The following PRKN variants were observed in gnomAD, a reference collection of about 807,000 sequenced individuals.
PRKN encodes parkin RBR E3 ubiquitin protein ligase, also known as E3 ubiquitin-protein ligase parkin.
Under a neutral mutation model 59.5 loss-of-function variants are expected in PRKN, and 56 were observed. That is an observed-to-expected ratio of 0.94 (90% CI 0.76 to 1.18). The LOEUF is 1.18. PRKN is among the 50% of genes most tolerant of loss of function. PRKN has a pLI of 0.00. For missense variants in PRKN, 657 were observed against 596.4 expected (o/e 1.10, Z -1.06); for synonymous variants, 250 against 222.1 (o/e 1.13, Z -1.12).
At chr6:162,635,954 C>T (rs951113769) in intron 1 of PRKN, among the ~76,000 whole-genome samples, 3 of 151,952 alleles carry the variant, frequency 2.0e-5, no homozygotes, top group Admixed American at 6.6e-5. Context: ...GCATGAGGCA[C>T]GTTTGGAGAA....
intron 4 of PRKN, among the ~76,000 whole-genome samples, chr6:162,087,881 T>C (rs1779318277): frequency 2.0e-5 from 3 of 152,152 alleles, no homozygotes; most frequent in Admixed American, 2.0e-4. Flanking sequence ...CATGAGTCAC[T>C]GCGCCCGGCC....
intron 2 of PRKN, among the ~76,000 whole-genome samples, chr6:162,302,997 C>G (rs1365766240): frequency 6.6e-6 from 1 of 151,568 alleles, no homozygotes. Flanking sequence ...CACACACACA[C>G]ACAGACACAC....
intron 9 of PRKN, among the ~76,000 whole-genome samples, chr6:161,481,715 C>T (rs1461901312): frequency 2.0e-5 from 3 of 152,150 alleles, no homozygotes; most frequent in Non-Finnish European, 4.4e-5. Flanking sequence ...TAAAAGGCAG[C>T]TGTCATTAAA....
intron 5 of PRKN, among the ~76,000 whole-genome samples, chr6:161,986,929 T>C (rs565969711): frequency 6.6e-6 from 1 of 152,314 alleles, no homozygotes; most frequent in South Asian, 2.1e-4. Flanking sequence ...AAAAGAAATA[T>C]TGAGCAATAA....
At position 161,656,199 on chromosome 6, in the gene PRKN, T is replaced by A. The variant is rs73597118; in HGVS notation, c.872-86783A>T. 9.6e-3 allele frequency among the ~76,000 whole-genome samples: 1,469 copies of A among 152,270 alleles called. 24 individuals are homozygous for A. The highest frequency in any genetic ancestry group is 0.034 in the African/African-American group (1,397 of 41,544). On this transcript the variant is annotated intron_variant, in intron 7 of 11. Transcript: ENST00000366898. Reference sequence around the variant, plus strand: ...CAAACCATTCGGTCAAGGAGCGAAATCCTCAGCGATGGGCGTGCAGACTGA... The same window carrying A: ...CAAACCATTCGGTCAAGGAGCGAAAACCTCAGCGATGGGCGTGCAGACTGA...
At chr6:162,043,289 C>A (rs1258978762) in intron 5 of PRKN, among the ~76,000 whole-genome samples, 1 of 151,974 alleles carries the variant, frequency 6.6e-6, no homozygotes, top group South Asian at 2.1e-4. Flanking sequence ...TATCAATAAC[C>A]CTGAGGAAAA....
At chr6:162,339,211 C>A (rs1431238507) in intron 2 of PRKN, among the ~76,000 whole-genome samples, 1 of 150,032 alleles carries the variant, frequency 6.7e-6, no homozygotes, top group Non-Finnish European at 1.5e-5. Context: ...AGCGTCTCCG[C>A]CCGGCAGCCA....
In PRKN at chr6:161,349,588, ATC is replaced by A; in HGVS notation, c.*509_*510del. The A allele has an allele frequency of 8.2e-6, 2 of 243,048 alleles. No individual in the cohort carries two copies. Among genetic ancestry groups the A allele is most frequent in the East Asian group, 1.2e-4 (2 of 17,082 alleles). 15.1% of individuals were successfully genotyped at this position (243,048 alleles called of 1,614,324 possible). A position where few individuals can be genotyped will look rare whatever the true frequency, so the allele number is the denominator to read the frequency against. ...AAGAACATTACTGTTAAAGCCATGA[ATC>A]TAGTTTGGAGAACCCACTGCAGTTC... On this transcript the variant is annotated 3_prime_UTR_variant, in exon 12 of 12. Transcript: ENST00000366898. The surrounding 1 kb of genome is among the most constrained non-coding windows in gnomAD (Gnocchi z 5.5).
In PRKN at chr6:161,460,430, A is replaced by C. The variant is rs1324729950; in HGVS notation, c.1084-73553T>G. ...TGGAATATAATGGGCTATACTTGGCATTGGAGTCATTTAGAAGGACACAGG... is the reference window on the plus strand; with the variant it reads ...TGGAATATAATGGGCTATACTTGGCCTTGGAGTCATTTAGAAGGACACAGG... On this transcript the variant is annotated intron_variant, in intron 9 of 11. Coordinates refer to ENST00000366898, the MANE Select transcript of PRKN (RefSeq NM_004562.3). This position sits in a 1 kb window ranked among gnomAD's most constrained non-coding sequence, Gnocchi z 5.0. Among the ~76,000 whole-genome samples, 2 of 152,110 alleles carry C rather than the reference A, an allele frequency of 1.3e-5. No homozygotes were observed. Among genetic ancestry groups the C allele is most frequent in the African/African-American group, 2.4e-5 (1 of 41,414 alleles).
At chr6:161,788,285 G>A (rs761746907) in intron 6 of PRKN, among the ~76,000 whole-genome samples, 3 of 152,120 alleles carry the variant, frequency 2.0e-5, no homozygotes, top group African/African-American at 4.8e-5. Flanking sequence ...CAAGCACTAC[G>A]TTGGCGGCCA....
At chr6:162,202,202 A>T (rs1289257405) in intron 3 of PRKN, among the ~76,000 whole-genome samples, 2 of 151,342 alleles carry the variant, frequency 1.3e-5, no homozygotes, top group Non-Finnish European at 2.9e-5. Context: ...GAGATAATAT[A>T]TTTTTTTTTA....
rs74923683 is a variant in PRKN, at chr6:161,562,431, G to A, written c.933+6924C>T. Among the ~76,000 whole-genome samples, 563 of 152,296 alleles carry A rather than the reference G, an allele frequency of 3.7e-3. 11 individuals carry two copies. The East Asian group carries it at 0.059, about 16-fold the overall frequency. On this transcript the variant is annotated intron_variant, in intron 8 of 11. Transcript: ENST00000366898. The surrounding 1 kb of genome is among the most constrained non-coding windows in gnomAD (Gnocchi z 4.3). ...CTTTACCCAATTTCCAAACACTGGTGTTCCTTACGGTTCATCCAATCACGG... is the reference window on the plus strand; with the variant it reads ...CTTTACCCAATTTCCAAACACTGGTATTCCTTACGGTTCATCCAATCACGG...
intron 2 of PRKN, among the ~76,000 whole-genome samples, chr6:162,324,245 T>C (rs1157193103): frequency 6.6e-6 from 1 of 152,032 alleles, no homozygotes; most frequent in African/African-American, 2.4e-5. Context: ...TAATCTAGAG[T>C]GGCAGGAAGC....
chr6:162,267,008 C>T (rs767420237), intron 2 of PRKN, among the ~76,000 whole-genome samples: 17 of 152,268 alleles, frequency 1.1e-4, no homozygotes, highest in Middle Eastern at 6.8e-3. Flanking sequence ...TCCTATATCA[C>T]CATATAGCCA....
Position 161,410,818 on chromosome 6 carries a change from T to C in PRKN, c.1084-23941A>G, listed in dbSNP as rs563034783. On this transcript the variant is annotated intron_variant, in intron 9 of 11. Transcript: ENST00000366898. This position sits in a 1 kb window ranked among gnomAD's most constrained non-coding sequence, Gnocchi z 5.3. ...AGCAGCCTCAGGTATGGGCAGAACG[T>C]TGAATCCTCAGAATGATATGGGATT... Among the ~76,000 whole-genome samples the C allele has an allele frequency of 2.0e-5, 3 of 152,228 alleles. No homozygotes were observed. Among genetic ancestry groups the C allele is most frequent in the South Asian group, 4.1e-4 (2 of 4,820 alleles).
chr6:162,354,858 A>G (rs1220246831), intron 2 of PRKN, among the ~76,000 whole-genome samples: 1 of 152,054 alleles, frequency 6.6e-6, no homozygotes, highest in African/African-American at 2.4e-5. Context: ...AAGCAAATAA[A>G]TTACTAGTTT....
intron 6 of PRKN, among the ~76,000 whole-genome samples, chr6:161,848,111 G>T (rs986078697): frequency 6.6e-6 from 1 of 152,178 alleles, no homozygotes; most frequent in Admixed American, 6.6e-5. Flanking sequence ...GTCAGGTACC[G>T]CCTCTTCAGG....
At chr6:162,235,973 G>A (rs1554288871) in intron 3 of PRKN, among the ~76,000 whole-genome samples, 1 of 95,988 alleles carries the variant, frequency 1.0e-5, no homozygotes, top group East Asian at 6.5e-4. Flanking sequence ...AAGAAAGAAA[G>A]AAAGAAAGAA....
At chr6:161,921,020 C>T (rs1583348708) in intron 6 of PRKN, among the ~76,000 whole-genome samples, 1 of 152,168 alleles carries the variant, frequency 6.6e-6, no homozygotes, top group Non-Finnish European at 1.5e-5. Context: ...TGACTTTATA[C>T]ACTTCTTAAT....
Sources: allele counts gnomAD v4.1 joint callset (sites outside exome capture counted in the v4.1 genomes callset), GRCh38; gene constraint gnomAD v4.1.1; non-coding constraint Gnocchi (gnomAD v3.1); transcripts MANE v1.5; gene names NCBI Gene and HGNC (gene_info 2026-07-23, HGNC 2026-07-21).